HIVEP3: variants seen among roughly 807,000 people sequenced by gnomAD.
HIVEP3 encodes the protein transcription factor HIVEP3.
A neutral mutation model predicts 152.8 loss-of-function variants in HIVEP3; 49 were observed. The observed-to-expected ratio is 0.32, with a 90% confidence interval of 0.26 to 0.41. HIVEP3 has a LOEUF of 0.41. Ranked by LOEUF, HIVEP3 falls within the 10% of genes least tolerant of loss-of-function variation. HIVEP3 has a pLI of 1.00. For synonymous variants in HIVEP3, 1,269 were observed against 1,289.0 expected (o/e 0.98, Z 0.33); for missense variants, 2,790 against 3,103.3 (o/e 0.90, Z 2.40).
In HIVEP3 at chr1:41,828,856, T is replaced by G. The variant is rs543730686; in HGVS notation, c.-801+89557A>C. On this transcript the variant is annotated intron_variant, in intron 1 of 8. Coordinates refer to ENST00000372583, the MANE Select transcript of HIVEP3 (RefSeq NM_024503.5). ...CAGGGCTTGCACGTAGTGCAGCTCTTTAAAGTCTAGTTCATGGCATGTTTT... is the reference window on the plus strand; with the variant it reads ...CAGGGCTTGCACGTAGTGCAGCTCTGTAAAGTCTAGTTCATGGCATGTTTT... Among the ~76,000 whole-genome samples the G allele has an allele frequency of 3.9e-5, 6 of 152,354 alleles. No homozygotes were observed. The South Asian group carries it at 1.2e-3, about 32-fold the overall frequency.
intron 5 of HIVEP3, among the ~76,000 whole-genome samples, chr1:41,548,736 A>C (rs1348363340): frequency 6.6e-6 from 1 of 152,098 alleles, no homozygotes; most frequent in African/African-American, 2.4e-5. Context: ...GGGTTTTACC[A>C]TGTTGGCCAG....
At chr1:41,988,380 T>C (rs1645336348) in intron 1 of HIVEP3, among the ~76,000 whole-genome samples, 1 of 151,962 alleles carries the variant, frequency 6.6e-6, no homozygotes, top group South Asian at 2.1e-4. Context: ...AACCACTCAA[T>C]ATTAAGAAAA....
Position 41,873,852 on chromosome 1 carries a change from G to C in HIVEP3, c.-801+44561C>G, listed in dbSNP as rs1644122999. On this transcript the variant is annotated intron_variant, in intron 1 of 8. Transcript: ENST00000372583. The surrounding 1 kb of genome is among the most constrained non-coding windows in gnomAD (Gnocchi z 4.2). ...AAACCATGGGGTCTAGGGGAAATAA[G>C]GAACCCCTCTCCCAGAAGGTGGAGA... Among the ~76,000 whole-genome samples the C allele has an allele frequency of 6.6e-6, 1 of 152,192 alleles. No homozygotes were observed. Among genetic ancestry groups the C allele is most frequent in the Admixed American group, 6.5e-5 (1 of 15,288 alleles).
chr1:41,860,863 T>C (rs2124398202), intron 1 of HIVEP3, among the ~76,000 whole-genome samples: 1 of 152,252 alleles, frequency 6.6e-6, no homozygotes, highest in Middle Eastern at 3.4e-3. Context: ...TGGGCACACC[T>C]TAAGCACACA....
chr1:41,966,614 T>C (rs796085120), intron 1 of HIVEP3, among the ~76,000 whole-genome samples: 6 of 151,718 alleles, frequency 4.0e-5, no homozygotes, highest in African/African-American at 1.5e-4. Flanking sequence ...GCTGGGACTA[T>C]AGGTGCCCAT....
At chr1:41,717,892 G>A (rs2124162005) in intron 1 of HIVEP3, among the ~76,000 whole-genome samples, 1 of 152,328 alleles carries the variant, frequency 6.6e-6, no homozygotes, top group African/African-American at 2.4e-5. Context: ...CTAGCTCACG[G>A]CAGGCTCTGG....
At chr1:41,599,396 T>C (rs1644713564) in intron 3 of HIVEP3, among the ~76,000 whole-genome samples, 1 of 152,162 alleles carries the variant, frequency 6.6e-6, no homozygotes, top group South Asian at 2.1e-4. Context: ...CACATAATCA[T>C]AAAGGAGAGA....
intron 5 of HIVEP3, among the ~76,000 whole-genome samples, chr1:41,546,329 C>T (rs1558050004): frequency 6.6e-6 from 1 of 152,188 alleles, no homozygotes; most frequent in Non-Finnish European, 1.5e-5. Context: ...AATCTGTGCT[C>T]GAATCAGCTC....
At chr1:41,774,133 G>A (rs531674746) in intron 1 of HIVEP3, among the ~76,000 whole-genome samples, 15 of 152,308 alleles carry the variant, frequency 9.8e-5, no homozygotes, top group African/African-American at 2.9e-4. Context: ...TCTAGTGATT[G>A]TGAGGTTCAG....
intron 1 of HIVEP3, among the ~76,000 whole-genome samples, chr1:41,895,796 A>G (rs1370309918): frequency 6.6e-6 from 1 of 152,066 alleles, no homozygotes; most frequent in African/African-American, 2.4e-5. Flanking sequence ...ATAAACATTT[A>G]TTTGCTTTAT....
intron 1 of HIVEP3, among the ~76,000 whole-genome samples, chr1:41,829,949 T>C (rs1204171957): frequency 6.6e-6 from 1 of 152,216 alleles, no homozygotes; most frequent in Non-Finnish European, 1.5e-5. Context: ...AGGCAATCTT[T>C]CCAATTTCCC....
Position 41,579,804 on chromosome 1 carries a change from G to A in HIVEP3, c.4994C>T (p.Ala1665Val). ...QKVSKETYTM[A>V]TAPHPEAGRL... ...TCCTGCCTCAGGATGCGGAGCTGTG[G>A]CCATGGTGTATGTCTCTTTGCTCAC... is the stretch of plus-strand genomic sequence containing the variant. Residue 1665 changes from alanine to valine, a missense_variant, in exon 4 of 9, where the codon GCC (alanine) becomes GTC (valine). Around this residue, in one of 9 missense-constraint regions of HIVEP3, gnomAD observed 1,078 missense variants for 1,165.3 expected, o/e 0.93. Transcript: ENST00000372583. 2 of 1,611,232 alleles carry A rather than the reference G, an allele frequency of 1.2e-6. No individual in the cohort carries two copies. The highest frequency in any genetic ancestry group is 1.7e-6 in the Non-Finnish European group (2 of 1,177,776).
chr1:42,026,075 GAA>G (rs5773758), intron 1 of HIVEP3, among the ~76,000 whole-genome samples: 16 of 137,676 alleles, frequency 1.2e-4, no homozygotes, highest in African/African-American at 2.9e-4. Context: ...TCTCAAAAGA[GAA>G]AAAAAAAAAA....
intron 1 of HIVEP3, among the ~76,000 whole-genome samples, chr1:41,972,240 C>T (rs1046884796): frequency 1.2e-4 from 19 of 152,224 alleles, no homozygotes; most frequent in African/African-American, 4.6e-4. Flanking sequence ...CTTTCCACCT[C>T]CCCTCTGCTA....
intron 1 of HIVEP3, among the ~76,000 whole-genome samples, chr1:41,799,990 A>G (rs944373164): frequency 9.9e-5 from 15 of 152,120 alleles, no homozygotes; most frequent in African/African-American, 3.6e-4. Flanking sequence ...AGCCTTACCC[A>G]ACTCTACTCT....
Position 41,583,818 on chromosome 1 carries a change from G to A in HIVEP3, c.980C>T (p.Ser327Phe), listed in dbSNP as rs762084970. 5.0e-6 allele frequency: 8 copies of A among 1,602,628 alleles called. No homozygotes were observed. In the African/African-American group the frequency reaches 1.1e-4, roughly 21 times the overall value. The change falls in exon 4 of 9, where the codon TCC (serine) becomes TTC (phenylalanine). Residue 327 changes from serine (S) to phenylalanine (F), a missense_variant. Coordinates refer to ENST00000372583, the MANE Select transcript of HIVEP3 (RefSeq NM_024503.5). This position sits in a 1 kb window ranked among gnomAD's most constrained non-coding sequence, Gnocchi z 6.9. ...HSSSHERCSL[S>F]QSSTAQSLED... ...GAGTGACTGGGCTGTGCTGGACTGGGACAGGGAACAGCGTTCGTGGCTGGA... is the reference window on the plus strand; with the variant it reads ...GAGTGACTGGGCTGTGCTGGACTGGAACAGGGAACAGCGTTCGTGGCTGGA...
rs143560987 is a variant in HIVEP3 at position 41,512,985 on chromosome 1, G to A, written c.6236C>T (p.Ser2079Leu). 6 of 1,613,268 alleles carry A rather than the reference G, an allele frequency of 3.7e-6. No homozygotes were observed. The highest frequency in any genetic ancestry group is 5.1e-6 in the Non-Finnish European group (6 of 1,179,720). ...TRRWSPGQAE[S>L]PPRSAPPGKW... ...CCCTGGCGGCGCTGACCGTGGTGGT[G>A]ACTCGGCCTGACCTGGAGACCATCT... The change falls in exon 8 of 9, where the codon TCA becomes TTA. Residue 2079 changes from serine (S) to leucine (L), a missense_variant. Transcript: ENST00000372583.
intron 1 of HIVEP3, among the ~76,000 whole-genome samples, chr1:41,946,384 C>G (rs1381926210): frequency 6.6e-6 from 1 of 152,192 alleles, no homozygotes. Context: ...AGGAAGTTAA[C>G]TGTCTCCTGG....
chr1:41,968,937 C>A (rs1009270649), intron 1 of HIVEP3, among the ~76,000 whole-genome samples: 16 of 152,084 alleles, frequency 1.1e-4, no homozygotes, highest in Admixed American at 2.0e-4. Flanking sequence ...AGAGCCAAAT[C>A]ATGAATGAAT....
Sources: gnomAD v4.1 joint callset for allele counts (sites outside exome capture counted in the v4.1 genomes callset) on GRCh38, gnomAD v4.1.1 for gene constraint, gnomAD v4.1.1 regional missense constraint, Gnocchi (gnomAD v3.1) non-coding constraint, MANE v1.5 for transcripts, NCBI Gene and HGNC (gene_info 2026-07-23, HGNC 2026-07-21) for gene names.